The following ZC3HC1 variants were observed in gnomAD, a reference collection of about 807,000 sequenced individuals.
ZC3HC1 encodes zinc finger C3HC-type containing 1.
Under a neutral mutation model 61.9 loss-of-function variants are expected in ZC3HC1, and 38 were observed. That is an observed-to-expected ratio of 0.61 (90% CI 0.47 to 0.81). The LOEUF is 0.81. Ranked by LOEUF, ZC3HC1 falls within the 30% of genes least tolerant of loss-of-function variation. ZC3HC1 has a pLI of 0.00. For missense variants in ZC3HC1, 554 were observed against 622.7 expected (o/e 0.89, Z 1.17); for synonymous variants, 213 against 229.9 (o/e 0.93, Z 0.67).
At chr7:130,043,325 A>G (rs1233236414) in intron 2 of ZC3HC1, 1 of 152,416 alleles carries the variant, frequency 6.6e-6, no homozygotes, top group Non-Finnish European at 1.5e-5. Context: ...AGCACAGTAA[A>G]AAAAAAAGGA....
intron 4 of ZC3HC1, among the ~76,000 whole-genome samples, chr7:130,031,600 C>G (rs1255542426): frequency 6.6e-6 from 1 of 152,150 alleles, no homozygotes; most frequent in South Asian, 2.1e-4. Flanking sequence ...GAGCAAGTAA[C>G]AAGCTGACCA....
intron 1 of ZC3HC1, chr7:130,050,510 G>C (rs2116791042): frequency 6.8e-7 from 1 of 1,471,394 alleles, no homozygotes; most frequent in East Asian, 2.7e-5. Flanking sequence ...AAAATTCACA[G>C]CATCCATAAA....
chr7:130,023,810 T>C lies in ZC3HC1; in HGVS notation c.1021-87A>G. The C allele has an allele frequency of 8.1e-7, 1 of 1,240,786 alleles. No homozygotes were observed. Among genetic ancestry groups the C allele is most frequent in the Non-Finnish European group, 1.1e-6 (1 of 907,760 alleles). 76.9% of individuals were successfully genotyped at this position (1,240,786 alleles called of 1,614,324 possible). On this transcript the variant is annotated intron_variant, in intron 7 of 9. Transcript: ENST00000358303. This position sits in a 1 kb window ranked among gnomAD's most constrained non-coding sequence, Gnocchi z 4.2. The stretch of plus-strand genomic sequence containing the variant: ...CTTCTTTCTTTAATCTTTTTTCTTT[T>C]TTTTTTTGAGACAGAGTCTCGCTTT...
Position 130,022,512 on chromosome 7 carries a change from C to T in ZC3HC1, c.1247G>A (p.Arg416Gln), listed in dbSNP as rs77376783. 3.4e-3 allele frequency: 5,444 copies of T among 1,613,844 alleles called. 161 individuals are homozygous for T. In the African/African-American group the frequency reaches 0.064, roughly 19 times the overall value. ...CTGAGAGGTGGGATCAAAGAAGCTT[C>T]GGGAAGATGTGTCCTGAGGAAGGAG... Reference protein sequence around the residue: ...CSSSSSDTSSRSFFDPTSQHR... With the variant: ...CSSSSSDTSSQSFFDPTSQHR... The change falls in exon 9 of 10, where the codon CGA becomes CAA. Residue 416 changes from arginine to glutamine, a missense_variant. Coordinates refer to ENST00000358303, the MANE Select transcript of ZC3HC1 (RefSeq NM_016478.5).
Position 130,024,320 on chromosome 7 carries a change from A to G in ZC3HC1, c.963T>C (p.Ser321=). 1 of 1,614,060 alleles carries G rather than the reference A, an allele frequency of 6.2e-7. No homozygotes were observed. Among genetic ancestry groups the G allele is most frequent in the Non-Finnish European group, 8.5e-7 (1 of 1,180,014 alleles). ...RPERLPLVPE[S]PRRMMTRSQD... ...GGCTCCGGGTCATCATCCTCCGAGG[A>G]GATTCAGGCACCAGAGGTAAGCGCT... Residue 321 remains serine, a synonymous_variant, in exon 7 of 10, where the codon TCT becomes TCC. Transcript: ENST00000358303.
chr7:130,050,508 C>G (rs1235128495), intron 1 of ZC3HC1: 8 of 1,473,566 alleles, frequency 5.4e-6, no homozygotes, highest in Non-Finnish European at 7.1e-6. Flanking sequence ...AAAAAATTCA[C>G]AGCATCCATA....
intron 3 of ZC3HC1, among the ~76,000 whole-genome samples, chr7:130,040,563 T>TAAA (rs1240351222): frequency 6.6e-6 from 1 of 150,484 alleles, no homozygotes; most frequent in Non-Finnish European, 1.5e-5. Context: ...CTCTGCACTT[T>TAAA]AGGAGGCCAA....
At chr7:130,022,674 C>T in intron 8 of ZC3HC1, 149 bp from the exon 9 acceptor site, 1 of 835,238 alleles carries the variant, frequency 1.2e-6, no homozygotes, top group Non-Finnish European at 1.9e-6. Context: ...ACACATTTTC[C>T]TCTCATTTTC....
chr7:130,050,611 A>G (rs1425114830), intron 1 of ZC3HC1: 3 of 856,416 alleles, frequency 3.5e-6, no homozygotes, highest in Non-Finnish European at 3.4e-6. Flanking sequence ...ACACCATAGT[A>G]GTATTAGCAG....
At chr7:130,043,008 G>C (rs1208099047) in intron 2 of ZC3HC1, among the ~76,000 whole-genome samples, 1 of 152,176 alleles carries the variant, frequency 6.6e-6, no homozygotes, top group African/African-American at 2.4e-5. Context: ...ATCTATGTGG[G>C]CCGGGTGCGG....
intron 9 of ZC3HC1, among the ~76,000 whole-genome samples, chr7:130,019,722 C>G (rs537319406): frequency 5.3e-5 from 8 of 151,384 alleles, no homozygotes; most frequent in African/African-American, 1.9e-4. Context: ...AAGTATTCCA[C>G]GCAGAAAGGG....
At chr7:130,029,136 C>T (rs1584571301) in intron 4 of ZC3HC1, 107 bp from the exon 5 acceptor site, 3 of 1,267,166 alleles carry the variant, frequency 2.4e-6, no homozygotes, top group South Asian at 1.6e-5. Flanking sequence ...TTTGGAAGGC[C>T]GAGGCGGGCG....
intron 5 of ZC3HC1, 156 bp from the exon 6 acceptor site, chr7:130,026,468 A>G (rs188845009): frequency 2.8e-6 from 2 of 708,800 alleles, no homozygotes; most frequent in African/African-American, 3.6e-5. Flanking sequence ...TTCCAGGGAC[A>G]GGGCTATAGT....
intron 6 of ZC3HC1, among the ~76,000 whole-genome samples, chr7:130,025,799 G>A (rs745350609): frequency 1.8e-4 from 27 of 148,716 alleles, no homozygotes; most frequent in Non-Finnish European, 1.0e-4. Flanking sequence ...CCCGGGAGGC[G>A]GAGCTTGCAG....
At chr7:130,044,494 C>A (rs1033381084) in intron 2 of ZC3HC1, among the ~76,000 whole-genome samples, 1 of 152,064 alleles carries the variant, frequency 6.6e-6, no homozygotes, top group Non-Finnish European at 1.5e-5. Context: ...CAGAAGCCAA[C>A]CTGAGGGGGA....
chr7:130,027,266 T>G (rs920741232), intron 5 of ZC3HC1: 1 of 152,114 alleles, frequency 6.6e-6, no homozygotes, highest in African/African-American at 2.4e-5. Context: ...CATCAGAGGT[T>G]AATAGTTTCA....
rs531636116 is a variant in ZC3HC1 at position 130,046,856 on chromosome 7, C to T, written c.258+2177G>A. Among the ~76,000 whole-genome samples, 14 of 152,186 alleles carry T rather than the reference C, an allele frequency of 9.2e-5. No homozygotes were observed. In the East Asian group the frequency reaches 1.5e-3, roughly 17 times the overall value. On this transcript the variant is annotated intron_variant, in intron 2 of 9. Transcript: ENST00000358303. The stretch of plus-strand genomic sequence containing the variant: ...AGGCTGCAGTGCAGTGGCATGGTCT[C>T]GGCTCACTGCAACCTCTGCCTCCCA...
intron 4 of ZC3HC1, among the ~76,000 whole-genome samples, chr7:130,030,625 C>T (rs1794139389): frequency 6.6e-6 from 1 of 151,942 alleles, no homozygotes; most frequent in Non-Finnish European, 1.5e-5. Context: ...CACTGGTCTT[C>T]TCTCAGCCTC....
intron 4 of ZC3HC1, among the ~76,000 whole-genome samples, chr7:130,038,148 T>C (rs1794497120): frequency 6.6e-6 from 1 of 152,208 alleles, no homozygotes. Flanking sequence ...GGCTCTCTTA[T>C]TCCAAAGTGT....
Sources: allele counts gnomAD v4.1 joint callset (sites outside exome capture counted in the v4.1 genomes callset), GRCh38; gene constraint gnomAD v4.1.1; non-coding constraint Gnocchi (gnomAD v3.1); transcripts MANE v1.5; gene names NCBI Gene and HGNC (gene_info 2026-07-23, HGNC 2026-07-21).